The following NRXN1 variants were observed in gnomAD, a reference collection of about 807,000 sequenced individuals.
The protein encoded by NRXN1 is neurexin-1.
Under a neutral mutation model 150.9 loss-of-function variants are expected in NRXN1, and 39 were observed. The observed-to-expected ratio is 0.26, with a 90% CI of 0.20 to 0.34. The LOEUF (loss-of-function observed/expected upper bound fraction) is 0.34. Among genes scored for constraint, NRXN1 ranks in the 10% least tolerant of loss-of-function variants. The pLI is 1.00. For missense variants in NRXN1, 1,815 were observed against 1,949.9 expected (o/e 0.93, Z 1.30); for synonymous variants, 924 against 757.0 (o/e 1.22, Z -3.62).
intron 8 of NRXN1, among the ~76,000 whole-genome samples, chr2:50,617,043 A>T (rs1287446873): frequency 6.6e-6 from 1 of 152,210 alleles, no homozygotes; most frequent in African/African-American, 2.4e-5. Context: ...CTCACAATCC[A>T]TGATACTTTG....
chr2:50,151,384 T>G (rs1375831348), intron 18 of NRXN1, among the ~76,000 whole-genome samples: 1 of 151,508 alleles, frequency 6.6e-6, no homozygotes, highest in African/African-American at 2.4e-5. Flanking sequence ...AAAAAATCAA[T>G]GAAAGTGACA....
chr2:50,259,043 A>G (rs2067992892), intron 17 of NRXN1, among the ~76,000 whole-genome samples: 2 of 151,990 alleles, frequency 1.3e-5, no homozygotes, highest in African/African-American at 4.8e-5. Flanking sequence ...GGACCCTAGG[A>G]TTTTTAGAAT....
chr2:50,557,079 T>A (rs998012475), intron 8 of NRXN1, among the ~76,000 whole-genome samples: 3 of 152,196 alleles, frequency 2.0e-5, no homozygotes, highest in Non-Finnish European at 2.9e-5. Flanking sequence ...GAGTGTTCAC[T>A]GCATCTTCTC....
chr2:50,699,136 C>A (rs1162799707), intron 5 of NRXN1, among the ~76,000 whole-genome samples: 2 of 152,100 alleles, frequency 1.3e-5, no homozygotes, highest in East Asian at 3.9e-4. Context: ...CAGGATCTAG[C>A]CTCCAACAAA....
At chr2:50,938,402 C>A (rs751875430) in intron 2 of NRXN1, among the ~76,000 whole-genome samples, 5 of 152,148 alleles carry the variant, frequency 3.3e-5, no homozygotes, top group African/African-American at 7.2e-5. Context: ...GTCAATATCA[C>A]TATCAGTATT....
chr2:50,579,511 T>G (rs1475628009), intron 8 of NRXN1, among the ~76,000 whole-genome samples: 2 of 152,156 alleles, frequency 1.3e-5, no homozygotes, highest in Non-Finnish European at 2.9e-5. Context: ...TAGTCAGGTG[T>G]GGTGGCATGT....
At chr2:50,223,405 C>T (rs897570434) in intron 18 of NRXN1, among the ~76,000 whole-genome samples, 10 of 151,914 alleles carry the variant, frequency 6.6e-5, no homozygotes, top group Non-Finnish European at 1.3e-4. Context: ...AAATAACCAT[C>T]GGTCTTGATT....
At chr2:50,137,912 T>C (rs187482485) in intron 18 of NRXN1, among the ~76,000 whole-genome samples, 10 of 152,348 alleles carry the variant, frequency 6.6e-5, no homozygotes, top group African/African-American at 2.2e-4. Context: ...ATTTGGTATG[T>C]ACAAACAATT....
At chr2:50,363,030 C>T (rs1199114778) in intron 17 of NRXN1, among the ~76,000 whole-genome samples, 1 of 152,174 alleles carries the variant, frequency 6.6e-6, no homozygotes, top group African/African-American at 2.4e-5. Context: ...GGGGAACTGG[C>T]TAGCCATATT....
chr2:51,025,026 T>C (rs1461068260), intron 2 of NRXN1, among the ~76,000 whole-genome samples: 1 of 152,152 alleles, frequency 6.6e-6, no homozygotes, highest in Non-Finnish European at 1.5e-5. Flanking sequence ...AATTATTCAA[T>C]AGTCACTTGA....
intron 21 of NRXN1, among the ~76,000 whole-genome samples, chr2:49,958,251 T>C (rs1005682835): frequency 3.9e-5 from 6 of 152,338 alleles, no homozygotes; most frequent in African/African-American, 1.4e-4. Flanking sequence ...TTTCAGTGTT[T>C]TATTTAGTTA....
At chr2:50,980,314 T>C (rs1391338919) in intron 2 of NRXN1, among the ~76,000 whole-genome samples, 2 of 152,128 alleles carry the variant, frequency 1.3e-5, no homozygotes, top group East Asian at 1.9e-4. Flanking sequence ...AGGTAATTAA[T>C]ATATTAATAG....
At chr2:50,319,753 C>G (rs2075874670) in intron 17 of NRXN1, among the ~76,000 whole-genome samples, 1 of 151,922 alleles carries the variant, frequency 6.6e-6, no homozygotes, top group South Asian at 2.1e-4. Context: ...AACAAAGACC[C>G]CTACGCGAGC....
At chr2:50,740,706 T>A (rs1050103813) in intron 5 of NRXN1, among the ~76,000 whole-genome samples, 2 of 152,132 alleles carry the variant, frequency 1.3e-5, no homozygotes, top group African/African-American at 4.8e-5. Flanking sequence ...AGAATTAAAG[T>A]TGGTTATAAT....
intron 17 of NRXN1, among the ~76,000 whole-genome samples, chr2:50,266,536 T>TACACACACACACAC (rs67570666): frequency 3.5e-5 from 4 of 112,800 alleles, no homozygotes; most frequent in African/African-American, 1.3e-4. Flanking sequence ...TGTATATAAA[T>TACACACACACACAC]ACACACACAC....
At chr2:51,023,670 T>C (rs1200278505) in intron 2 of NRXN1, among the ~76,000 whole-genome samples, 1 of 152,238 alleles carries the variant, frequency 6.6e-6, no homozygotes, top group Admixed American at 6.5e-5. Flanking sequence ...ATGAGGTCTA[T>C]GAAAGTAATA....
chr2:50,771,064 T>C (rs1204974373), intron 5 of NRXN1, among the ~76,000 whole-genome samples: 1 of 152,036 alleles, frequency 6.6e-6, no homozygotes, highest in Non-Finnish European at 1.5e-5. Context: ...CATAGTATCA[T>C]CAGAGGAAGT....
intron 18 of NRXN1, among the ~76,000 whole-genome samples, chr2:50,213,012 A>G (rs540270729): frequency 6.6e-6 from 1 of 151,996 alleles, no homozygotes; most frequent in South Asian, 2.1e-4. Flanking sequence ...CCCAGTTTCT[A>G]ATTCCCCTAA....
intron 5 of NRXN1, among the ~76,000 whole-genome samples, chr2:50,769,465 T>C (rs988359225): frequency 1.1e-4 from 17 of 152,078 alleles, no homozygotes; most frequent in Admixed American, 3.9e-4. Context: ...ATAAACTCAG[T>C]CAAAAACAAT....
Sources: gnomAD v4.1 joint callset for allele counts (sites outside exome capture counted in the v4.1 genomes callset) on GRCh38, gnomAD v4.1.1 for gene constraint, MANE v1.5 for transcripts, NCBI Gene and HGNC (gene_info 2026-07-23, HGNC 2026-07-21) for gene names.